The following NRG2 variants were observed in gnomAD, a reference collection of about 807,000 sequenced individuals.
NRG2 encodes neuregulin 2, also known as pro-neuregulin-2, membrane-bound isoform.
NRG2 carries 27 observed loss-of-function variants against 73.9 expected under a neutral mutation model. That is an observed-to-expected ratio of 0.37 (90% CI 0.27 to 0.50). The LOEUF (loss-of-function observed/expected upper bound fraction) is 0.50. Ranked by LOEUF, NRG2 falls within the 20% of genes least tolerant of loss-of-function variation. The pLI, the probability that NRG2 is intolerant of heterozygous loss-of-function variation, is 0.96. For synonymous variants in NRG2, 532 were observed against 541.0 expected (o/e 0.98, Z 0.23); for missense variants, 1,126 against 1,210.1 (o/e 0.93, Z 1.03).
chr5:139,862,484 C>T (rs1164685039), intron 5 of NRG2, among the ~76,000 whole-genome samples: 2 of 152,252 alleles, frequency 1.3e-5, no homozygotes, highest in Non-Finnish European at 2.9e-5. Context: ...ACCGGAAGGT[C>T]CTATTAACCA....
intron 4 of NRG2, among the ~76,000 whole-genome samples, chr5:139,867,762 CTGTGTGTGTGTGTGTGTG>C (rs367771225): frequency 5.8e-4 from 75 of 128,866 alleles, no homozygotes; most frequent in African/African-American, 2.1e-3. Flanking sequence ...GAAGGGAAAC[CTGTGTGTGTGTGTGTGTG>C]TGTGTGTGTG....
intron 1 of NRG2, among the ~76,000 whole-genome samples, chr5:139,957,428 T>G (rs776301451): frequency 6.6e-6 from 1 of 151,932 alleles, no homozygotes; most frequent in Non-Finnish European, 1.5e-5. Context: ...CCAGAGAGGA[T>G]GTAGCCCCAC....
At chr5:140,023,745 C>T (rs1760428909) in intron 1 of NRG2, among the ~76,000 whole-genome samples, 1 of 152,158 alleles carries the variant, frequency 6.6e-6, no homozygotes, top group Non-Finnish European at 1.5e-5. Context: ...CTAGCTGATC[C>T]TATATGCTGT....
At chr5:140,041,489 T>C (rs1761911490) in intron 1 of NRG2, among the ~76,000 whole-genome samples, 1 of 152,168 alleles carries the variant, frequency 6.6e-6, no homozygotes, top group Non-Finnish European at 1.5e-5. Context: ...CAGATTTCAG[T>C]GTTTTGTTTC....
At chr5:139,849,799 C>T (rs1176934118) in intron 9 of NRG2, among the ~76,000 whole-genome samples, 1 of 152,236 alleles carries the variant, frequency 6.6e-6, no homozygotes, top group African/African-American at 2.4e-5. Context: ...ACTCTCCACC[C>T]CATCCTGGGC....
At position 139,852,985 on chromosome 5, in the gene NRG2, C is replaced by A; in HGVS notation, c.1335G>T (p.Met445Ile). 6.2e-7 allele frequency: 1 copy of A among 1,613,522 alleles called. No individual in the cohort carries two copies. The highest frequency in any genetic ancestry group is 8.5e-7 in the Non-Finnish European group (1 of 1,179,798). ...AGCTCCGGTTCTGATGGGCCGGGCA[C>A]ATGTTCTGCCGGAGGTGGTTGTGCA... is the stretch of plus-strand genomic sequence containing the variant. Reference protein sequence around the residue: ...KQMHNHLRQNMCPAHQNRSLA... With the variant: ...KQMHNHLRQNICPAHQNRSLA... Residue 445 changes from methionine (M) to isoleucine (I), a missense_variant, in exon 7 of 10, where the codon ATG becomes ATT. By Grantham distance (10) the Met-to-Ile change is conservative (BLOSUM62 1). Transcript: ENST00000361474. The surrounding 1 kb of genome is among the most constrained non-coding windows in gnomAD (Gnocchi z 4.4).
chr5:139,851,022 C>T lies in NRG2; in HGVS notation c.1772+582G>A, dbSNP rs1355873407. Among the ~76,000 whole-genome samples, 2 of 150,440 alleles carry T rather than the reference C, an allele frequency of 1.3e-5. No individual in the cohort carries two copies. On this transcript the variant is annotated intron_variant, in intron 9 of 9. Coordinates refer to ENST00000361474, the MANE Select transcript of NRG2 (RefSeq NM_004883.3). This position sits in a 1 kb window ranked among gnomAD's most constrained non-coding sequence, Gnocchi z 4.2. ...TTCTTTTTGTAAAGGGAGTCTTGCT[C>T]TGTTGCTGAGGTTGGAGTGCAGTGG...
At chr5:139,918,937 C>T (rs1049805545) in intron 1 of NRG2, among the ~76,000 whole-genome samples, 3 of 151,984 alleles carry the variant, frequency 2.0e-5, no homozygotes, top group South Asian at 4.2e-4. Flanking sequence ...GCAAAACAGT[C>T]GATGGGGAAA....
chr5:139,908,642 T>G (rs1765398235), intron 1 of NRG2, among the ~76,000 whole-genome samples: 1 of 152,180 alleles, frequency 6.6e-6, no homozygotes, highest in African/African-American at 2.4e-5. Context: ...CAGTTGGGTA[T>G]CCAGAGCTCA....
At chr5:139,920,836 G>A (rs1751604534) in intron 1 of NRG2, among the ~76,000 whole-genome samples, 4 of 152,132 alleles carry the variant, frequency 2.6e-5, no homozygotes, top group Admixed American at 2.6e-4. Context: ...ACTAACAAAA[G>A]CTTAACTACC....
intron 9 of NRG2, among the ~76,000 whole-genome samples, chr5:139,849,745 C>A (rs1434733470): frequency 1.3e-5 from 2 of 152,182 alleles, no homozygotes; most frequent in Non-Finnish European, 2.9e-5. Flanking sequence ...ACCGGCACAT[C>A]TGATTAACCA....
intron 1 of NRG2, among the ~76,000 whole-genome samples, chr5:139,968,770 C>G (rs1392543515): frequency 6.6e-6 from 1 of 152,240 alleles, no homozygotes; most frequent in African/African-American, 2.4e-5. Flanking sequence ...AGCAAGAACC[C>G]AGCTCCATCA....
rs565740003 is a variant in NRG2 at position 139,894,151 on chromosome 5, C to T, written c.701-6640G>A. Reference sequence around the variant, plus strand: ...TACTCAGATCTGAGAGCAAGACAGACGCTCAGGACATGGCTGGGCAACCCA... The same window carrying T: ...TACTCAGATCTGAGAGCAAGACAGATGCTCAGGACATGGCTGGGCAACCCA... On this transcript the variant is annotated intron_variant, in intron 1 of 9. Coordinates refer to ENST00000361474, the MANE Select transcript of NRG2 (RefSeq NM_004883.3). This position sits in a 1 kb window ranked among gnomAD's most constrained non-coding sequence, Gnocchi z 5.0. 1.7e-4 allele frequency among the ~76,000 whole-genome samples: 26 copies of T among 152,318 alleles called. No homozygotes were observed. The highest frequency in any genetic ancestry group is 5.1e-4 in the African/African-American group (21 of 41,580).
intron 1 of NRG2, among the ~76,000 whole-genome samples, chr5:139,897,016 G>C (rs574754050): frequency 6.6e-6 from 1 of 152,174 alleles, no homozygotes; most frequent in Non-Finnish European, 1.5e-5. Context: ...TTCCCTTCAG[G>C]AATCGTATAT....
chr5:140,023,554 C>G (rs899650276), intron 1 of NRG2, among the ~76,000 whole-genome samples: 3 of 152,084 alleles, frequency 2.0e-5, no homozygotes, highest in Non-Finnish European at 4.4e-5. Context: ...TTTAATATCC[C>G]CAAATGGACT....
Position 139,887,108 on chromosome 5 carries a change from G to A in NRG2, c.872+232C>T, listed in dbSNP as rs977617492. On this transcript the variant is annotated intron_variant, in intron 2 of 9. Coordinates refer to ENST00000361474, the MANE Select transcript of NRG2 (RefSeq NM_004883.3). The surrounding 1 kb of genome is among the most constrained non-coding windows in gnomAD (Gnocchi z 4.5). The stretch of plus-strand genomic sequence containing the variant: ...CTTCAACTATCCAGAGAAGTTAAAG[G>A]CTTAATTCTTGTCTGTGGTCTGCAA... Among the ~76,000 whole-genome samples, 1 of 152,374 alleles carries A rather than the reference G, an allele frequency of 6.6e-6. No individual in the cohort carries two copies. Among genetic ancestry groups the A allele is most frequent in the African/African-American group, 2.4e-5 (1 of 41,584 alleles).
chr5:139,951,599 C>T (rs1754205434), intron 1 of NRG2, among the ~76,000 whole-genome samples: 1 of 151,098 alleles, frequency 6.6e-6, no homozygotes, highest in Non-Finnish European at 1.5e-5. Context: ...TGAGGTTTCT[C>T]TGTCCCACAG....
intron 1 of NRG2, among the ~76,000 whole-genome samples, chr5:139,913,283 C>T (rs889911301): frequency 1.3e-5 from 2 of 152,324 alleles, no homozygotes; most frequent in Non-Finnish European, 2.9e-5. Flanking sequence ...GTTTCTTATA[C>T]CCTGCCCCAG....
At chr5:140,014,551 T>C (rs978112425) in intron 1 of NRG2, among the ~76,000 whole-genome samples, 1 of 152,174 alleles carries the variant, frequency 6.6e-6, no homozygotes, top group South Asian at 2.1e-4. Context: ...TTCATTTTTT[T>C]ACTCCTCCTT....
Sources: gnomAD v4.1 joint callset for allele counts (sites outside exome capture counted in the v4.1 genomes callset) on GRCh38, gnomAD v4.1.1 for gene constraint, Gnocchi (gnomAD v3.1) non-coding constraint, MANE v1.5 for transcripts, NCBI Gene and HGNC (gene_info 2026-07-23, HGNC 2026-07-21) for gene names.